CCDC43: variants seen among roughly 807,000 people sequenced by gnomAD.
CCDC43 encodes the protein coiled-coil domain-containing protein 43.
In CCDC43, 20 loss-of-function variants were observed where a neutral mutation model predicts 33.3. That is an observed-to-expected ratio of 0.60 (90% CI 0.42 to 0.87). The LOEUF is 0.87. Among genes scored for constraint, CCDC43 ranks in the 40% least tolerant of loss-of-function variants. The pLI, the probability that CCDC43 is intolerant of heterozygous loss-of-function variation, is 0.00. For missense variants in CCDC43, 248 were observed against 269.9 expected, an observed-to-expected ratio of 0.92 and a Z score of 0.57; for synonymous variants, 104 against 106.5, an observed-to-expected ratio of 0.98 and a Z score of 0.14.
intron 1 of CCDC43, among the ~76,000 whole-genome samples, chr17:44,687,180 C>T (rs375940830): frequency 2.3e-3 from 349 of 152,024 alleles, no homozygotes; most frequent in African/African-American, 7.3e-3. Flanking sequence ...TGGTGGCTCA[C>T]GCCTATAGCC....
At chr17:44,680,026 A>G (rs1972134944) in intron 4 of CCDC43, among the ~76,000 whole-genome samples, 1 of 152,008 alleles carries the variant, frequency 6.6e-6, no homozygotes, top group Non-Finnish European at 1.5e-5. Flanking sequence ...ATCCCAGGCC[A>G]GAGTGCAGTG....
intron 3 of CCDC43, among the ~76,000 whole-genome samples, 175 bp from the exon 4 acceptor site, chr17:44,680,818 T>C (rs1972147949): frequency 6.6e-6 from 1 of 152,204 alleles, no homozygotes; most frequent in African/African-American, 2.4e-5. Flanking sequence ...GAAAGATTGA[T>C]ATATCTTCTA....
intron 4 of CCDC43, among the ~76,000 whole-genome samples, chr17:44,679,841 C>G (rs921271878): frequency 6.6e-6 from 1 of 151,218 alleles, no homozygotes; most frequent in Non-Finnish European, 1.5e-5. Context: ...CTGCAGTGAG[C>G]CGAGATCGCA....
intron 2 of CCDC43, 34 bp downstream of exon 2, chr17:44,683,838 C>T (rs1314460977): frequency 6.9e-7 from 1 of 1,449,644 alleles, no homozygotes; most frequent in Non-Finnish European, 9.7e-7. Flanking sequence ...CTGGAAAAGG[C>T]TCAGGAAGTT....
At chr17:44,684,053 T>G in intron 1 of CCDC43, 94 bp from the exon 2 acceptor site, 2 of 777,680 alleles carry the variant, frequency 2.6e-6, no homozygotes, top group Non-Finnish European at 4.4e-6. Context: ...CAGCTCTCCA[T>G]GCTGTGAAAT....
chr17:44,684,792 C>G (rs760795962), intron 1 of CCDC43, among the ~76,000 whole-genome samples: 1 of 151,818 alleles, frequency 6.6e-6, no homozygotes, highest in Non-Finnish European at 1.5e-5. Flanking sequence ...ATTATTATTA[C>G]TTTTTAGAGA....
At chr17:44,682,284 G>A (rs1234112937) in intron 2 of CCDC43, 146 bp from the exon 3 acceptor site, 2 of 916,024 alleles carry the variant, frequency 2.2e-6, no homozygotes, top group Non-Finnish European at 3.3e-6. Flanking sequence ...ATGGCTCGGG[G>A]GCCATTGAGA....
chr17:44,678,777 G>A lies in CCDC43; in HGVS notation c.*79C>T. On this transcript the variant is annotated 3_prime_UTR_variant, in exon 5 of 5. Coordinates refer to ENST00000315286, the MANE Select transcript of CCDC43 (RefSeq NM_144609.3). ...ATGCCTTGGGAAACTACTTTGCAAT[G>A]CACTCTCATTTCTCTTAAATACACA... The A allele has an allele frequency of 1.5e-6, 2 of 1,376,982 alleles. No individual in the cohort carries two copies. Among genetic ancestry groups the A allele is most frequent in the Non-Finnish European group, 2.0e-6 (2 of 1,016,486 alleles). The allele number at this position is 1,376,982 out of a possible 1,614,324, so 85.3% of individuals were successfully genotyped here. A position where few individuals can be genotyped will look rare whatever the true frequency, so the allele number is the denominator to read the frequency against.
rs200792287 is a variant in CCDC43 at position 44,678,290 on chromosome 17, C to CAAAAAA, written c.*560_*565dup. ...TTTTCCTCCCACAGGCTGAAACTTTCAAAAAAAAAAAAAAAATCAGATCTA... is the reference window on the plus strand; with the variant it reads ...TTTTCCTCCCACAGGCTGAAACTTTCAAAAAAAAAAAAAAAAAAAAAATCAGATCTA... On this transcript the variant is annotated 3_prime_UTR_variant, in exon 5 of 5. Coordinates refer to ENST00000315286, the MANE Select transcript of CCDC43 (RefSeq NM_144609.3). 26 of 123,566 alleles carry CAAAAAA rather than the reference C, an allele frequency of 2.1e-4. No homozygotes were observed. Among genetic ancestry groups the CAAAAAA allele is most frequent in the African/African-American group, 7.2e-4 (24 of 33,552 alleles). 7.7% of individuals were successfully genotyped at this position (123,566 alleles called of 1,614,324 possible).
intron 4 of CCDC43, among the ~76,000 whole-genome samples, chr17:44,680,136 A>C (rs896962684): frequency 1.3e-5 from 2 of 151,560 alleles, no homozygotes; most frequent in African/African-American, 4.8e-5. Context: ...GGCACATGCC[A>C]CTACACCTGG....
chr17:44,689,595 T>G lies in CCDC43; in HGVS notation c.159A>C (p.Glu53Asp). 1 of 1,613,990 alleles carries G rather than the reference T, an allele frequency of 6.2e-7. No homozygotes were observed. The highest frequency in any genetic ancestry group is 8.5e-7 in the Non-Finnish European group (1 of 1,179,882). The change falls in exon 1 of 5, where the codon GAA (glutamate) becomes GAC (aspartate). Residue 53 changes from glutamate (E) to aspartate (D), a missense_variant. Transcript: ENST00000315286. Reference sequence around the variant, plus strand: ...CCTGCAGAGCGTCCAGCTTCTCTTCTTCCTCCTCCTCCTGCAGGATACCCA... The same window carrying G: ...CCTGCAGAGCGTCCAGCTTCTCTTCGTCCTCCTCCTCCTGCAGGATACCCA... ...YILGILQEEE[E>D]EEKLDALQGI...
Position 44,678,845 on chromosome 17 carries a change from G to A in CCDC43, c.*11C>T, listed in dbSNP as rs764662795. 6.2e-7 allele frequency: 1 copy of A among 1,610,206 alleles called. No homozygotes were observed. Among genetic ancestry groups the A allele is most frequent in the Admixed American group, 1.7e-5 (1 of 59,492 alleles). On this transcript the variant is annotated 3_prime_UTR_variant, in exon 5 of 5. Coordinates refer to ENST00000315286, the MANE Select transcript of CCDC43 (RefSeq NM_144609.3). ...TAAGTTCATGGGGGGAAAGAATAGAGTAGGCCAAGGTTATCGCTTTCGCTC... is the reference window on the plus strand; with the variant it reads ...TAAGTTCATGGGGGGAAAGAATAGAATAGGCCAAGGTTATCGCTTTCGCTC...
chr17:44,686,714 T>C (rs953795673), intron 1 of CCDC43, among the ~76,000 whole-genome samples: 4 of 152,208 alleles, frequency 2.6e-5, no homozygotes, highest in Admixed American at 6.5e-5. Context: ...TAACATACTA[T>C]ATAATTTACT....
intron 1 of CCDC43, among the ~76,000 whole-genome samples, chr17:44,684,704 AAAAG>A (rs529649656): frequency 2.6e-4 from 39 of 152,210 alleles, no homozygotes; most frequent in South Asian, 6.2e-4. Context: ...TCAAAAAAAA[AAAAG>A]AAAGAAAGAA....
chr17:44,678,326 C>T lies in CCDC43; in HGVS notation c.*530G>A, dbSNP rs1051164281. The T allele has an allele frequency of 6.6e-6, 1 of 151,858 alleles. No homozygotes were observed. The highest frequency in any genetic ancestry group is 2.1e-4 in the South Asian group (1 of 4,812). 9.4% of individuals were successfully genotyped at this position (151,858 alleles called of 1,614,324 possible). ...AAAAAATCAGATCTAGAACACCCCG[C>T]AAGTAATTTCTTCCCATTTTCCTAG... On this transcript the variant is annotated 3_prime_UTR_variant, in exon 5 of 5. Coordinates refer to ENST00000315286, the MANE Select transcript of CCDC43 (RefSeq NM_144609.3).
chr17:44,681,420 G>A (rs1045374011), intron 3 of CCDC43, among the ~76,000 whole-genome samples: 6 of 152,126 alleles, frequency 3.9e-5, no homozygotes, highest in South Asian at 2.1e-4. Context: ...CCTAAGCGAC[G>A]AAGCGAGACT....
intron 1 of CCDC43, among the ~76,000 whole-genome samples, chr17:44,686,544 CA>C (rs1224060219): frequency 6.6e-6 from 1 of 152,174 alleles, no homozygotes; most frequent in African/African-American, 2.4e-5. Context: ...CTTAAGAGGA[CA>C]AAGTGGTTTA....
Position 44,682,651 on chromosome 17 carries a change from A to T in CCDC43, c.293-513T>A, listed in dbSNP as rs373770348. Among the ~76,000 whole-genome samples, 10 of 152,140 alleles carry T rather than the reference A, an allele frequency of 6.6e-5. No homozygotes were observed. In the East Asian group the frequency reaches 1.4e-3, roughly 21 times the overall value. On this transcript the variant is annotated intron_variant, in intron 2 of 4. Coordinates refer to ENST00000315286, the MANE Select transcript of CCDC43 (RefSeq NM_144609.3). ...GGCAGGTGGATCATGAGGTCAGGAGATCGAGACCATCCCGGCTAACACAGT... is the reference window on the plus strand; with the variant it reads ...GGCAGGTGGATCATGAGGTCAGGAGTTCGAGACCATCCCGGCTAACACAGT...
At chr17:44,689,392 A>C (rs1972288420) in intron 1 of CCDC43, 158 bp downstream of exon 1, 1 of 1,099,900 alleles carries the variant, frequency 9.1e-7, no homozygotes, top group Admixed American at 2.8e-5. Context: ...GTTGGGGAGC[A>C]ACCTCCTTCC....
Sources: gnomAD v4.1 joint callset for allele counts (sites outside exome capture counted in the v4.1 genomes callset) on GRCh38, gnomAD v4.1.1 for gene constraint, MANE v1.5 for transcripts, NCBI Gene and HGNC (gene_info 2026-07-23, HGNC 2026-07-21) for gene names.